Variants in ORC4 observed in about 807,000 individuals in gnomAD.
ORC4 encodes the protein origin recognition complex subunit 4, also known as origin recognition complex, subunit 4 homolog.
Under a neutral mutation model 63.9 loss-of-function variants are expected in ORC4, and 55 were observed. That is an observed-to-expected ratio of 0.86 (90% CI 0.69 to 1.08). The LOEUF is 1.08. Among genes scored for constraint, ORC4 ranks in the 50% least tolerant of loss-of-function variants. ORC4 has a pLI of 0.00. For synonymous variants in ORC4, 150 were observed against 168.5 expected (o/e 0.89, Z 0.85); for missense variants, 511 against 504.4 (o/e 1.01, Z -0.13).
At chr2:147,937,285 C>T (rs950345981) in intron 13 of ORC4, among the ~76,000 whole-genome samples, 2 of 152,146 alleles carry the variant, frequency 1.3e-5, no homozygotes, top group African/African-American at 4.8e-5. Context: ...AAGAGCTGCA[C>T]TGTCCACGCT....
At chr2:148,020,309 A>G (rs1693621517) in intron 1 of ORC4, among the ~76,000 whole-genome samples, 1 of 152,176 alleles carries the variant, frequency 6.6e-6, no homozygotes, top group Admixed American at 6.5e-5. Context: ...ATGAGGGTCA[A>G]TTGCTGAGGC....
intron 1 of ORC4, among the ~76,000 whole-genome samples, chr2:147,992,095 C>T (rs1478740449): frequency 1.3e-5 from 2 of 152,150 alleles, no homozygotes; most frequent in East Asian, 3.9e-4. Context: ...CTTACTGGCA[C>T]TGACATAACT....
At chr2:147,939,461 G>T (rs969117079) in intron 10 of ORC4, among the ~76,000 whole-genome samples, 2 of 152,070 alleles carry the variant, frequency 1.3e-5, no homozygotes, top group African/African-American at 4.8e-5. Flanking sequence ...AGTTCCTGCT[G>T]CTCTCTCTAA....
At chr2:147,985,356 C>T (rs1281742792) in intron 1 of ORC4, among the ~76,000 whole-genome samples, 3 of 152,050 alleles carry the variant, frequency 2.0e-5, no homozygotes, top group Non-Finnish European at 4.4e-5. Context: ...GCCACCATGC[C>T]CGGCTAATTT....
chr2:147,999,808 C>T (rs1692190769), intron 1 of ORC4, among the ~76,000 whole-genome samples: 1 of 152,004 alleles, frequency 6.6e-6, no homozygotes, highest in Non-Finnish European at 1.5e-5. Flanking sequence ...ATGATTGCTA[C>T]ATAGCTGAGG....
rs1287001843 is a variant in ORC4 at position 147,933,724 on chromosome 2, A to G, written c.*1786T>C. The G allele has an allele frequency of 1.3e-5, 2 of 152,162 alleles. No individual in the cohort carries two copies. Among genetic ancestry groups the G allele is most frequent in the South Asian group, 2.1e-4 (1 of 4,830 alleles). The allele number at this position is 152,162 out of a possible 1,614,324, so 9.4% of individuals were successfully genotyped here. A position where few individuals can be genotyped will look rare whatever the true frequency, so the allele number is the denominator to read the frequency against. ...AATTTTTAAAAGGATCACTTAGAGC[A>G]TAAGTGTAAAATTCTTGCTTCTAGT... On this transcript the variant is annotated 3_prime_UTR_variant, in exon 14 of 14. Transcript: ENST00000392857.
chr2:147,977,660 G>C (rs927937356), intron 1 of ORC4, among the ~76,000 whole-genome samples: 2 of 152,200 alleles, frequency 1.3e-5, no homozygotes, highest in African/African-American at 4.8e-5. Flanking sequence ...CTCCCGATAG[G>C]ACCTTGTTAC....
intron 1 of ORC4, among the ~76,000 whole-genome samples, chr2:147,979,917 G>C (rs78330732): frequency 0.019 from 2,957 of 152,116 alleles, 45 homozygotes; most frequent in African/African-American, 0.044. Flanking sequence ...CATATACAAA[G>C]ATCAACTAAA....
chr2:148,003,295 CAG>C (rs1440057450), intron 1 of ORC4, among the ~76,000 whole-genome samples: 1 of 152,120 alleles, frequency 6.6e-6, no homozygotes, highest in Non-Finnish European at 1.5e-5. Flanking sequence ...CAAAATCTGG[CAG>C]AGACACAACA....
Position 147,943,415 on chromosome 2 carries a change from TAAAAC to T in ORC4, c.849+16_849+20del, listed in dbSNP as rs781084961. The T allele has an allele frequency of 6.7e-7, 1 of 1,503,378 alleles. No homozygotes were observed. The highest frequency in any genetic ancestry group is 1.1e-5 in the South Asian group (1 of 88,974). The allele number at this position is 1,503,378 out of a possible 1,614,324, so 93.1% of individuals were successfully genotyped here. On this transcript the variant is annotated intron_variant, in intron 10 of 13. Coordinates refer to ENST00000392857, the MANE Select transcript of ORC4 (RefSeq NM_181741.4). Reference sequence around the variant, plus strand: ...AAAACAAAAACAAAGCAACAAGCAATAAAACAAAACTAATACAAACCAATAGCATG... The same window carrying T: ...AAAACAAAAACAAAGCAACAAGCAATAAAACTAATACAAACCAATAGCATG...
upstream of ORC4, chr2:148,021,457 C>CTGCTGTTGCTGCTGCTGCTGCTGT: frequency 1.7e-6 from 1 of 576,308 alleles, no homozygotes; most frequent in Non-Finnish European, 3.3e-6. Context: ...CCCTTTGCTG[C>CTGCTGTTGCTGCTGCTGCTGCTGT]TGCTGTTGCT....
intron 4 of ORC4, among the ~76,000 whole-genome samples, chr2:147,968,257 T>C (rs1223164711): frequency 6.6e-6 from 1 of 151,908 alleles, no homozygotes; most frequent in African/African-American, 2.4e-5. Context: ...GAATAAAAAC[T>C]GCAAATCACA....
At chr2:148,005,409 G>A (rs973069738) in intron 1 of ORC4, among the ~76,000 whole-genome samples, 3 of 152,016 alleles carry the variant, frequency 2.0e-5, no homozygotes, top group South Asian at 2.1e-4. Flanking sequence ...CTGGGGGATG[G>A]GGGGGCTAAG....
At chr2:148,004,623 A>G (rs557490396) in intron 1 of ORC4, among the ~76,000 whole-genome samples, 1 of 152,314 alleles carries the variant, frequency 6.6e-6, no homozygotes, top group South Asian at 2.1e-4. Context: ...AAATGGATTA[A>G]AGACTAAAAC....
At chr2:148,017,230 T>C (rs1189833437) in intron 1 of ORC4, among the ~76,000 whole-genome samples, 4 of 152,244 alleles carry the variant, frequency 2.6e-5, no homozygotes, top group Non-Finnish European at 4.4e-5. Flanking sequence ...TGAAATCAAT[T>C]ATAATTTCAA....
intron 1 of ORC4, among the ~76,000 whole-genome samples, chr2:147,991,196 C>T (rs902097345): frequency 4.6e-5 from 7 of 151,724 alleles, no homozygotes; most frequent in South Asian, 2.1e-4. Context: ...TACAGGCATG[C>T]GCCACCACGC....
chr2:147,988,362 A>AT (rs111917011), intron 1 of ORC4, among the ~76,000 whole-genome samples: 6,974 of 143,292 alleles, frequency 0.049, 451 homozygotes, highest in African/African-American at 0.15. Flanking sequence ...GACTTACTGA[A>AT]TTTTTTTTTT....
chr2:147,941,327 G>A (rs1340322952), intron 10 of ORC4, among the ~76,000 whole-genome samples: 1 of 151,384 alleles, frequency 6.6e-6, no homozygotes, highest in Admixed American at 6.6e-5. Flanking sequence ...CTGTGCATTA[G>A]GTAACTAGAC....
intron 1 of ORC4, among the ~76,000 whole-genome samples, chr2:148,015,111 G>T (rs761376801): frequency 7.0e-6 from 1 of 142,064 alleles, no homozygotes; most frequent in South Asian, 2.2e-4. Flanking sequence ...ACTTGACTAG[G>T]AGAAAAAAAA....
Sources: gnomAD v4.1 joint callset for allele counts (sites outside exome capture counted in the v4.1 genomes callset) on GRCh38, gnomAD v4.1.1 for gene constraint, MANE v1.5 for transcripts, NCBI Gene and HGNC (gene_info 2026-07-23, HGNC 2026-07-21) for gene names.